NFE2L2: variants seen among roughly 807,000 people sequenced by gnomAD.
NFE2L2 encodes NFE2 like bZIP transcription factor 2, also known as nuclear factor erythroid 2-related factor 2.
NFE2L2 carries 20 observed loss-of-function variants against 49.6 expected under a neutral mutation model. The observed-to-expected ratio is 0.40, with a 90% CI of 0.28 to 0.59. The LOEUF (loss-of-function observed/expected upper bound fraction) is 0.59, where lower values mean the gene tolerates loss of function less well. Ranked by LOEUF, NFE2L2 falls within the 20% of genes least tolerant of loss-of-function variation. NFE2L2 has a pLI of 0.40. For synonymous variants in NFE2L2, 244 were observed against 256.5 expected (o/e 0.95, Z 0.47); for missense variants, 578 against 714.2 (o/e 0.81, Z 2.17).
At chr2:177,232,098 C>G (rs375254475) in intron 4 of NFE2L2, 90 bp from the exon 5 acceptor site, 1 of 1,240,022 alleles carries the variant, frequency 8.1e-7, no homozygotes, top group Non-Finnish European at 1.1e-6. Flanking sequence ...CCCACATTAT[C>G]TTCAGGCTTA....
At chr2:177,233,682 C>G (rs1477375429) in intron 2 of NFE2L2, 1 of 510,568 alleles carries the variant, frequency 2.0e-6, no homozygotes, top group Non-Finnish European at 3.5e-6. Flanking sequence ...CACAGTAACG[C>G]CAGTAATCCC....
In NFE2L2 at chr2:177,259,120, A is replaced by G. The variant is rs560919364; in HGVS notation, c.45+5412T>C. Among the ~76,000 whole-genome samples, 9 of 152,250 alleles carry G rather than the reference A, an allele frequency of 5.9e-5. No homozygotes were observed. The East Asian group carries it at 1.2e-3, about 20-fold the overall frequency. On this transcript the variant is annotated intron_variant, in intron 1 of 4. Coordinates refer to ENST00000397062, the MANE Select transcript of NFE2L2 (RefSeq NM_006164.5). The stretch of plus-strand genomic sequence containing the variant: ...AGGTCGGGATCAGCCTGGCCAACAT[A>G]GTGAAACTCCATCTCTACTAAAAAT...
intron 1 of NFE2L2, chr2:177,264,261 C>T (rs1574289584): frequency 2.5e-6 from 1 of 405,996 alleles, no homozygotes; most frequent in Admixed American, 4.7e-5. Context: ...CCCCCAAGGC[C>T]CACGCGAGCG....
intron 1 of NFE2L2, among the ~76,000 whole-genome samples, chr2:177,245,499 C>T (rs1033486251): frequency 6.6e-6 from 1 of 152,214 alleles, no homozygotes; most frequent in Admixed American, 6.5e-5. Context: ...AGGTACCTAA[C>T]AGCTTCTATT....
At chr2:177,245,541 A>G (rs1218257248) in intron 1 of NFE2L2, among the ~76,000 whole-genome samples, 1 of 152,096 alleles carries the variant, frequency 6.6e-6, no homozygotes, top group Admixed American at 6.5e-5. Context: ...CATGGTTTAC[A>G]GGAGTGTTCA....
intron 1 of NFE2L2, among the ~76,000 whole-genome samples, chr2:177,255,758 AAT>A (rs1040876000): frequency 6.6e-6 from 1 of 151,818 alleles, no homozygotes; most frequent in Non-Finnish European, 1.5e-5. Context: ...ACAGTGTCTC[AAT>A]ATGTTGCCCA....
At chr2:177,262,957 G>A (rs906515835) in intron 1 of NFE2L2, among the ~76,000 whole-genome samples, 15 of 152,078 alleles carry the variant, frequency 9.9e-5, no homozygotes, top group Admixed American at 5.2e-4. Context: ...CTTTAAAGGG[G>A]GAAAAAAGCA....
At chr2:177,263,922 C>T (rs1380060800) in intron 1 of NFE2L2, 2 of 985,474 alleles carry the variant, frequency 2.0e-6, no homozygotes, top group African/African-American at 1.7e-5. Context: ...GAGAGTGATC[C>T]GAGAGATGGA....
At chr2:177,257,351 C>T (rs1047771021) in intron 1 of NFE2L2, among the ~76,000 whole-genome samples, 2 of 152,170 alleles carry the variant, frequency 1.3e-5, no homozygotes, top group African/African-American at 4.8e-5. Flanking sequence ...TGAAAAAACA[C>T]AGAGCAATCC....
chr2:177,247,509 A>C (rs143584629), intron 1 of NFE2L2, among the ~76,000 whole-genome samples: 4 of 151,980 alleles, frequency 2.6e-5, no homozygotes, highest in African/African-American at 7.3e-5. Flanking sequence ...AAAATACAAA[A>C]AATTAGCCGG....
rs773415642 is a variant in NFE2L2 at position 177,232,575 on chromosome 2, C to T, written c.411G>A (p.Ser137=). The T allele has an allele frequency of 1.1e-5, 18 of 1,613,450 alleles. 1 individual carries two copies. In the South Asian group the frequency reaches 1.2e-4, roughly 11 times the overall value. The part of the protein sequence containing the change: ...FPFVDDNEVS[S]ATFQSLVPDI... ...CAGGAACAAGTGACTGAAACGTAGC[C>T]GAAGAAACCTAAAATTGATAAGGCA... The change falls in exon 4 of 5, where the codon TCG becomes TCA. Residue 137 remains serine (S), a synonymous_variant. Transcript: ENST00000397062.
intron 1 of NFE2L2, among the ~76,000 whole-genome samples, chr2:177,262,529 A>C (rs976692281): frequency 6.6e-6 from 1 of 152,266 alleles, no homozygotes; most frequent in African/African-American, 2.4e-5. Context: ...GATGACAACA[A>C]TCTAATATGA....
chr2:177,230,754 C>A lies in NFE2L2; in HGVS notation c.*31G>T, dbSNP rs1325759602. The A allele has an allele frequency of 1.3e-6, 2 of 1,538,292 alleles. No homozygotes were observed. The highest frequency in any genetic ancestry group is 2.8e-5 in the African/African-American group (2 of 72,006). ...CTTTTAGTATAATAGTACAAAAAAA[C>A]TAGCTCAGAAAAGGTCAAATCCTCC... On this transcript the variant is annotated 3_prime_UTR_variant, in exon 5 of 5. Coordinates refer to ENST00000397062, the MANE Select transcript of NFE2L2 (RefSeq NM_006164.5).
Position 177,264,673 on chromosome 2 carries a change from G to GCGGTGGCGGCTGCGT in NFE2L2, c.-98_-97insACGCAGCCGCCACCG. On this transcript the variant is annotated 5_prime_UTR_variant, in exon 1 of 5. Transcript: ENST00000397062. ...CAGGGCGGCTCTGGTGGCGGCGGCG[G>GCGGTGGCGGCTGCGT]CGGCGGTGGCGGCTGCGTCGGCGGC... 8.7e-7 allele frequency: 1 copy of GCGGTGGCGGCTGCGT among 1,154,870 alleles called. No homozygotes were observed. The highest frequency in any genetic ancestry group is 1.1e-6 in the Non-Finnish European group (1 of 893,384). The allele number at this position is 1,154,870 out of a possible 1,614,324, so 71.5% of individuals were successfully genotyped here. A position where few individuals can be genotyped will look rare whatever the true frequency, so the allele number is the denominator to read the frequency against.
At chr2:177,260,148 CAAAGAAT>C (rs1690677907) in intron 1 of NFE2L2, among the ~76,000 whole-genome samples, 1 of 152,158 alleles carries the variant, frequency 6.6e-6, no homozygotes, top group Non-Finnish European at 1.5e-5. Context: ...ATTAGATGAT[CAAAGAAT>C]AAACTCTATT....
chr2:177,256,069 G>C (rs953212826), intron 1 of NFE2L2: 5 of 154,542 alleles, frequency 3.2e-5, no homozygotes, highest in Non-Finnish European at 5.9e-5. Context: ...AAATATTCAT[G>C]GTTCTTCAAC....
chr2:177,252,904 T>C (rs975394583), intron 1 of NFE2L2, among the ~76,000 whole-genome samples: 1 of 152,226 alleles, frequency 6.6e-6, no homozygotes, highest in African/African-American at 2.4e-5. Flanking sequence ...CATCTTCCAA[T>C]TCACCTGCCA....
rs777555976 is a variant in NFE2L2 at position 177,231,692 on chromosome 2, G to A, written c.911C>T (p.Thr304Ile). ...SISNSMPSPA[T>I]LSHSLSELLN... ...AAGTTCAGAGAGTGAATGGCTTAAAGTAGCAGGTGAGGGCATGCTGTTGCT... is the reference window on the plus strand; with the variant it reads ...AAGTTCAGAGAGTGAATGGCTTAAAATAGCAGGTGAGGGCATGCTGTTGCT... The change falls in exon 5 of 5, where the codon ACT becomes ATT. Residue 304 changes from threonine (T) to isoleucine (I), a missense_variant. Physicochemically the swap from Thr to Ile is moderately conservative, Grantham distance 89. This residue lies in a region of NFE2L2 where 368 missense variants were observed against 384.6 expected (regional missense o/e 0.96). Coordinates refer to ENST00000397062, the MANE Select transcript of NFE2L2 (RefSeq NM_006164.5). 4 of 1,614,190 alleles carry A rather than the reference G, an allele frequency of 2.5e-6. No individual in the cohort carries two copies. In the South Asian group the frequency reaches 3.3e-5, roughly 13 times the overall value.
chr2:177,252,432 T>C (rs1180899551), intron 1 of NFE2L2, among the ~76,000 whole-genome samples: 2 of 152,122 alleles, frequency 1.3e-5, no homozygotes, highest in African/African-American at 2.4e-5. Context: ...AGAGAGGAAA[T>C]TGTTTTTTCT....
Sources: allele counts gnomAD v4.1 joint callset (sites outside exome capture counted in the v4.1 genomes callset), GRCh38; gene constraint gnomAD v4.1.1; regional missense constraint gnomAD v4.1.1; transcripts MANE v1.5; gene names NCBI Gene and HGNC (gene_info 2026-07-23, HGNC 2026-07-21).